ZBTB40: variants seen among roughly 807,000 people sequenced by gnomAD.
ZBTB40 encodes zinc finger and BTB domain-containing protein 40.
Under a neutral mutation model 117.5 loss-of-function variants are expected in ZBTB40, and 60 were observed. That is an observed-to-expected ratio of 0.51 (90% CI 0.41 to 0.63). The LOEUF (loss-of-function observed/expected upper bound fraction) is 0.63, where lower values mean the gene tolerates loss of function less well. Ranked by LOEUF, ZBTB40 falls within the 30% of genes least tolerant of loss-of-function variation. The probability of loss-of-function intolerance (pLI) is 0.00; values close to 1 mark genes in which losing one functional copy is unlikely to be tolerated. For synonymous variants in ZBTB40, 525 were observed against 577.1 expected, an observed-to-expected ratio of 0.91 and a Z score of 1.29; for missense variants, 1,287 against 1,498.5, an observed-to-expected ratio of 0.86 and a Z score of 2.33.
intron 3 of ZBTB40, 34 bp from the exon 4 acceptor site, chr1:22,501,458 C>G (rs1403727312): frequency 6.2e-7 from 1 of 1,612,718 alleles, no homozygotes; most frequent in Non-Finnish European, 8.5e-7. Context: ...TTGTGGTTCG[C>G]TAATCTATCT....
chr1:22,448,655 T>C (rs1393606416), upstream of ZBTB40, among the ~76,000 whole-genome samples: 1 of 152,152 alleles, frequency 6.6e-6, no homozygotes, highest in African/African-American at 2.4e-5. Flanking sequence ...CTGTATAAAA[T>C]GGGGGTAAAA....
intron 14 of ZBTB40, 58 bp from the exon 15 acceptor site, chr1:22,521,438 T>G: frequency 1.8e-5 from 28 of 1,599,974 alleles, no homozygotes; most frequent in Non-Finnish European, 2.2e-5. Context: ...GAGAGCCTCG[T>G]GAGCTCTCCA....
At chr1:22,437,068 G>C (rs1300622954) in intron 1 of ZBTB40, among the ~76,000 whole-genome samples, 1 of 152,142 alleles carries the variant, frequency 6.6e-6, no homozygotes, top group Non-Finnish European at 1.5e-5. Context: ...AAGCTGGCAT[G>C]TAAGAAACTT....
chr1:22,468,030 A>C (rs1437455173), intron 1 of ZBTB40, among the ~76,000 whole-genome samples: 1 of 151,448 alleles, frequency 6.6e-6, no homozygotes, highest in Non-Finnish European at 1.5e-5. Context: ...TCAAGGCTGC[A>C]GTGAGCCAAG....
intron 9 of ZBTB40, among the ~76,000 whole-genome samples, chr1:22,510,256 G>A (rs1196371693): frequency 6.6e-6 from 1 of 152,194 alleles, no homozygotes; most frequent in East Asian, 1.9e-4. Flanking sequence ...AGAAGGGCGG[G>A]TTTCTAACTC....
chr1:22,474,407 A>G (rs1641506081), intron 1 of ZBTB40, among the ~76,000 whole-genome samples: 1 of 152,218 alleles, frequency 6.6e-6, no homozygotes, highest in African/African-American at 2.4e-5. Flanking sequence ...ACCAAATTAC[A>G]GCAGCTTTTG....
chr1:22,498,027 A>G (rs1638825581), intron 3 of ZBTB40, among the ~76,000 whole-genome samples: 1 of 152,180 alleles, frequency 6.6e-6, no homozygotes, highest in African/African-American at 2.4e-5. Context: ...TGGGGTAAAT[A>G]AGTCAACTCA....
At chr1:22,485,347 A>G (rs749229146) in intron 1 of ZBTB40, among the ~76,000 whole-genome samples, 4 of 152,130 alleles carry the variant, frequency 2.6e-5, no homozygotes, top group East Asian at 1.9e-4. Flanking sequence ...CAGATAGTCT[A>G]TTGCTGCGTG....
Position 22,489,884 on chromosome 1 carries a change from T to C in ZBTB40, c.-65T>C. The C allele has an allele frequency of 1.3e-6, 2 of 1,524,994 alleles. No individual in the cohort carries two copies. The highest frequency in any genetic ancestry group is 1.8e-6 in the Non-Finnish European group (2 of 1,111,560). 94.5% of individuals were successfully genotyped at this position (1,524,994 alleles called of 1,614,324 possible). A position where few individuals can be genotyped will look rare whatever the true frequency, so the allele number is the denominator to read the frequency against. ...GTATTTTGTGGGTTTCTCTAGGGCC[T>C]GTCCTCCCAAAGCCAACTCTAAGGA... On this transcript the variant is annotated 5_prime_UTR_variant, in exon 2 of 18. Coordinates refer to ENST00000375647, the MANE Select transcript of ZBTB40 (RefSeq NM_014870.4).
rs531194570 is a variant in ZBTB40 at position 22,439,403 on chromosome 1, A to G, written c.-70+10389A>G. Among the ~76,000 whole-genome samples the G allele has an allele frequency of 5.9e-5, 9 of 152,316 alleles. No individual in the cohort carries two copies. In the South Asian group the frequency reaches 1.9e-3, roughly 32 times the overall value. On this transcript the variant is annotated intron_variant, in intron 1 of 8. Coordinates refer to the ZBTB40 transcript ENST00000650433. ...GTCTGTGCCTTTGCCATCATATTCA[A>G]GAAACCATTACCAAATCAATGTTGC...
chr1:22,458,388 T>C (rs1641053458), intron 1 of ZBTB40, among the ~76,000 whole-genome samples: 1 of 152,222 alleles, frequency 6.6e-6, no homozygotes, highest in Non-Finnish European at 1.5e-5. Flanking sequence ...TCACCTTATA[T>C]TGAGCACCAG....
rs1019440128 is a variant in ZBTB40 at position 22,522,471 on chromosome 1, C to A, written c.3298+8C>A. ...TCAAGTGCCAGCATTCAGGTCAGTA[C>A]CCCTGTCAGCATACTTCTAGGCTAG... On this transcript the variant is annotated splice_region_variant and intron_variant, in intron 16 of 17. Transcript: ENST00000375647. 1 of 1,613,880 alleles carries A rather than the reference C, an allele frequency of 6.2e-7. No homozygotes were observed. Among genetic ancestry groups the A allele is most frequent in the Non-Finnish European group, 8.5e-7 (1 of 1,179,900 alleles).
At chr1:22,480,116 G>C (rs781384369) in intron 1 of ZBTB40, among the ~76,000 whole-genome samples, 2 of 152,062 alleles carry the variant, frequency 1.3e-5, no homozygotes, top group Non-Finnish European at 2.9e-5. Context: ...CGTGTTGGCT[G>C]GCTGGTCTCG....
In ZBTB40 at chr1:22,490,379, C is replaced by T. The variant is rs1398593207; in HGVS notation, c.431C>T (p.Pro144Leu). ...ACATTCAGAAAGGAACCAGAGAAGC[C>T]TCAAGTAGAAATCCTTTCATCTGAA... Reference protein sequence around the residue: ...SETFRKEPEKPQVEILSSEGA... With the variant: ...SETFRKEPEKLQVEILSSEGA... Residue 144 changes from proline to leucine, a missense_variant, in exon 2 of 18, where the codon CCT becomes CTT. Coordinates refer to ENST00000375647, the MANE Select transcript of ZBTB40 (RefSeq NM_014870.4). 6.2e-7 allele frequency: 1 copy of T among 1,613,988 alleles called. No homozygotes were observed. The highest frequency in any genetic ancestry group is 1.3e-5 in the African/African-American group (1 of 75,022).
chr1:22,453,333 A>G (rs550114915), intron 1 of ZBTB40, among the ~76,000 whole-genome samples: 1 of 152,296 alleles, frequency 6.6e-6, no homozygotes, highest in East Asian at 1.9e-4. Context: ...CACCCCATGC[A>G]TGTACGCATG....
At chr1:22,490,814 A>G (rs1003066419) in intron 2 of ZBTB40, among the ~76,000 whole-genome samples, 169 bp downstream of exon 2, 1 of 152,212 alleles carries the variant, frequency 6.6e-6, no homozygotes, top group African/African-American at 2.4e-5. Flanking sequence ...TGAACATTGA[A>G]AGTCCAAACA....
rs1383333415 is a variant in ZBTB40, at chr1:22,512,101, G to A, written c.2428G>A (p.Asp810Asn). 3 of 1,613,548 alleles carry A rather than the reference G, an allele frequency of 1.9e-6. No individual in the cohort carries two copies. Among genetic ancestry groups the A allele is most frequent in the Non-Finnish European group, 1.7e-6 (2 of 1,180,036 alleles). Residue 810 changes from aspartate to asparagine, a missense_variant, in exon 11 of 18, where the codon GAC becomes AAC. This residue lies in a region of ZBTB40 where 417 missense variants were observed against 564.1 expected (regional missense o/e 0.74). Transcript: ENST00000375647. ...GAAGAAGAGGCTTCCAGTGACATGT[G>A]ACCTCTGTGGCAGAGAATTTGCCCA... Reference protein sequence around the residue: ...KKKKRLPVTCDLCGREFAHAS... With the variant: ...KKKKRLPVTCNLCGREFAHAS...
chr1:22,486,115 A>G (rs1239254843), intron 1 of ZBTB40, among the ~76,000 whole-genome samples: 1 of 152,256 alleles, frequency 6.6e-6, no homozygotes, highest in East Asian at 1.9e-4. Flanking sequence ...GTCTTTTAGT[A>G]TGCCTTGTAA....
In ZBTB40 at chr1:22,489,887, C is replaced by T; in HGVS notation, c.-62C>T. 2 of 1,543,800 alleles carry T rather than the reference C, an allele frequency of 1.3e-6. No individual in the cohort carries two copies. Among genetic ancestry groups the T allele is most frequent in the Admixed American group, 3.3e-5 (2 of 59,938 alleles). On this transcript the variant is annotated 5_prime_UTR_variant, in exon 2 of 18. Transcript: ENST00000375647. The stretch of plus-strand genomic sequence containing the variant: ...TTTTGTGGGTTTCTCTAGGGCCTGT[C>T]CTCCCAAAGCCAACTCTAAGGAGAG...
Sources: gnomAD v4.1 joint callset for allele counts (sites outside exome capture counted in the v4.1 genomes callset) on GRCh38, gnomAD v4.1.1 for gene constraint, gnomAD v4.1.1 regional missense constraint, MANE v1.5 for transcripts, NCBI Gene and HGNC (gene_info 2026-07-23, HGNC 2026-07-21) for gene names.